Variants in FAM20B observed in about 807,000 individuals in gnomAD.
The protein encoded by FAM20B is glycosaminoglycan xylosylkinase.
Under a neutral mutation model 43.8 loss-of-function variants are expected in FAM20B, and 23 were observed. The ratio of observed to expected loss-of-function variants is 0.53; its 90% CI spans 0.38 to 0.74. FAM20B has a LOEUF of 0.74. Ranked by LOEUF, FAM20B falls within the 30% of genes least tolerant of loss-of-function variation. The pLI is 0.00. For synonymous variants in FAM20B, 178 were observed against 192.4 expected (o/e 0.93, Z 0.62); for missense variants, 440 against 510.5 (o/e 0.86, Z 1.33).
chr1:179,050,246 C>T (rs1162462657), intron 2 of FAM20B, 33 bp from the exon 3 acceptor site: 7 of 1,474,230 alleles, frequency 4.7e-6, no homozygotes, highest in East Asian at 4.5e-5. Flanking sequence ...GTGTAATCCA[C>T]GTATACATCT....
the FAM20B span, among the ~76,000 whole-genome samples, chr1:179,019,451 TTTTG>T: frequency 1.3e-4 from 20 of 150,380 alleles, no homozygotes; most frequent in Non-Finnish European, 2.5e-4. Context: ...TGGTTTTTTT[TTTTG>T]TTTGTTTGTT....
intron 2 of FAM20B, 101 bp from the exon 3 acceptor site, chr1:179,050,178 A>G: frequency 1.3e-6 from 1 of 766,194 alleles, no homozygotes; most frequent in Admixed American, 1.9e-5. Context: ...AGGTGACTAT[A>G]GCAGAATCAG....
intron 3 of FAM20B, among the ~76,000 whole-genome samples, chr1:179,053,517 GAT>G (rs1651096079): frequency 6.6e-6 from 1 of 152,088 alleles, no homozygotes; most frequent in African/African-American, 2.4e-5. Flanking sequence ...TGTGGATCTT[GAT>G]ACTTTTCTGC....
rs562187431 is a variant in FAM20B at position 179,040,182 on chromosome 1, C to T, written c.-133-3533C>T. The stretch of plus-strand genomic sequence containing the variant: ...CCGACTCCTCAATCCTTTCCCCACC[C>T]TTCCCCCCTTTCTACTCCACAAAAC... On this transcript the variant is annotated intron_variant, in intron 1 of 7. Transcript: ENST00000263733. 6.5e-4 allele frequency among the ~76,000 whole-genome samples: 99 copies of T among 152,376 alleles called. 1 individual carries two copies. The highest frequency in any genetic ancestry group is 5.9e-4 in the Non-Finnish European group (40 of 68,036).
At chr1:179,059,296 A>G (rs1651358493) in intron 4 of FAM20B, among the ~76,000 whole-genome samples, 1 of 152,260 alleles carries the variant, frequency 6.6e-6, no homozygotes, top group Admixed American at 6.5e-5. Context: ...TATTAAAATA[A>G]GTAGCTGGCA....
At chr1:179,025,081 T>A (rs1649699306), upstream of FAM20B, among the ~76,000 whole-genome samples, 1 of 152,184 alleles carries the variant, frequency 6.6e-6, no homozygotes, top group Admixed American at 6.5e-5. Context: ...CTTTAGTATA[T>A]GGTGAATAAA....
At chr1:179,038,040 G>A (rs952683877) in intron 1 of FAM20B, among the ~76,000 whole-genome samples, 97 of 152,238 alleles carry the variant, frequency 6.4e-4, no homozygotes, top group African/African-American at 2.3e-3. Context: ...TGTGCAAAAT[G>A]TTTGGATGTG....
At chr1:179,040,967 A>G (rs1264922239) in intron 1 of FAM20B, among the ~76,000 whole-genome samples, 1 of 128,308 alleles carries the variant, frequency 7.8e-6, no homozygotes, top group South Asian at 2.7e-4. Context: ...CGCTCCTCAC[A>G]TCCCAGACGG....
intron 1 of FAM20B, among the ~76,000 whole-genome samples, chr1:179,029,935 G>A (rs764462919): frequency 1.3e-5 from 2 of 152,162 alleles, no homozygotes; most frequent in African/African-American, 4.8e-5. Flanking sequence ...TGAGATGATC[G>A]AAAAATGTAG....
At chr1:179,028,020 T>C (rs1286592182) in intron 1 of FAM20B, among the ~76,000 whole-genome samples, 1 of 152,226 alleles carries the variant, frequency 6.6e-6, no homozygotes, top group Admixed American at 6.5e-5. Flanking sequence ...TTTCTGCTTC[T>C]TATCTCTTCT....
At chr1:179,064,662 A>G (rs1399374792) in intron 6 of FAM20B, among the ~76,000 whole-genome samples, 166 bp downstream of exon 6, 2 of 152,166 alleles carry the variant, frequency 1.3e-5, no homozygotes, top group Non-Finnish European at 2.9e-5. Flanking sequence ...CTCCACTCTC[A>G]GGGATCTCAG....
intron 1 of FAM20B, among the ~76,000 whole-genome samples, chr1:179,032,758 CAT>C (rs1317871418): frequency 1.3e-5 from 2 of 152,160 alleles, no homozygotes; most frequent in South Asian, 2.1e-4. Flanking sequence ...TGAAGACCCT[CAT>C]GTGAAGATGA....
At chr1:179,050,905 T>C (rs1650979236) in intron 3 of FAM20B, among the ~76,000 whole-genome samples, 1 of 152,158 alleles carries the variant, frequency 6.6e-6, no homozygotes, top group Non-Finnish European at 1.5e-5. Context: ...GCAGATTGCA[T>C]GAGCTCAGGA....
chr1:179,052,682 A>G (rs887746381), intron 3 of FAM20B, among the ~76,000 whole-genome samples: 6 of 152,332 alleles, frequency 3.9e-5, no homozygotes, highest in South Asian at 2.1e-4. Context: ...ATCTATTGAT[A>G]TGGAAAAGCT....
At chr1:179,037,917 C>T (rs1171794433) in intron 1 of FAM20B, among the ~76,000 whole-genome samples, 1 of 152,114 alleles carries the variant, frequency 6.6e-6, no homozygotes, top group South Asian at 2.1e-4. Context: ...CTTAAAAGGA[C>T]ACAAACTTGG....
chr1:179,026,691 A>G (rs1649801422), intron 1 of FAM20B, among the ~76,000 whole-genome samples: 1 of 152,228 alleles, frequency 6.6e-6, no homozygotes, highest in East Asian at 1.9e-4. Context: ...GAAGGGCACA[A>G]CTTAACGAAT....
At chr1:179,032,006 A>G (rs945160161) in intron 1 of FAM20B, among the ~76,000 whole-genome samples, 19 of 152,118 alleles carry the variant, frequency 1.2e-4, no homozygotes, top group African/African-American at 4.6e-4. Flanking sequence ...TTTGCATGAC[A>G]CTCACTCTGA....
the FAM20B span, among the ~76,000 whole-genome samples, chr1:179,017,446 T>C: frequency 6.6e-6 from 1 of 152,236 alleles, no homozygotes; most frequent in Non-Finnish European, 1.5e-5. Flanking sequence ...GACTTTTTTT[T>C]CATGACTACA....
rs983130646 is a variant in FAM20B at position 179,074,544 on chromosome 1, A to T, written c.*2400A>T. 6.6e-6 allele frequency: 1 copy of T among 152,260 alleles called. No homozygotes were observed. 9.4% of individuals were successfully genotyped at this position (152,260 alleles called of 1,614,324 possible). On this transcript the variant is annotated 3_prime_UTR_variant, in exon 8 of 8. Coordinates refer to ENST00000263733, the MANE Select transcript of FAM20B (RefSeq NM_014864.4). ...AACTTCATAACATTGAAGGCAGAAGATTCTGCTAAGGAAAAAAGCAGGCAG... is the reference window on the plus strand; with the variant it reads ...AACTTCATAACATTGAAGGCAGAAGTTTCTGCTAAGGAAAAAAGCAGGCAG...
Sources: gnomAD v4.1 joint callset for allele counts (sites outside exome capture counted in the v4.1 genomes callset) on GRCh38, gnomAD v4.1.1 for gene constraint, MANE v1.5 for transcripts, NCBI Gene and HGNC (gene_info 2026-07-23, HGNC 2026-07-21) for gene names.